Variants in TTLL1 observed in about 807,000 individuals in gnomAD.
TTLL1 encodes the protein polyglutamylase complex subunit TTLL1.
A neutral mutation model predicts 47.8 loss-of-function variants in TTLL1; 33 were observed. The observed-to-expected ratio is 0.69, with a 90% CI of 0.52 to 0.92. The LOEUF (loss-of-function observed/expected upper bound fraction) is 0.92, where lower values mean the gene tolerates loss of function less well. Ranked by LOEUF, TTLL1 falls within the 40% of genes least tolerant of loss-of-function variation. The pLI is 0.00. For synonymous variants in TTLL1, 225 were observed against 214.1 expected (o/e 1.05, Z -0.45); for missense variants, 488 against 547.5 (o/e 0.89, Z 1.08).
At chr22:43,069,939 C>T (rs1802768169) in intron 3 of TTLL1, 95 bp from the exon 4 acceptor site, 1 of 1,505,164 alleles carries the variant, frequency 6.6e-7, no homozygotes, top group African/African-American at 1.4e-5. Flanking sequence ...ACCCTCAGCA[C>T]CCTTCACCAC....
chr22:43,068,662 C>T, intron 4 of TTLL1, 72 bp from the exon 5 acceptor site: 1 of 1,339,502 alleles, frequency 7.5e-7, no homozygotes, highest in Non-Finnish European at 9.7e-7. Context: ...AGATCTTGCC[C>T]TTGCCTTTCC....
At chr22:43,079,741 A>T (rs1601703585) in intron 2 of TTLL1, among the ~76,000 whole-genome samples, 161 bp downstream of exon 2, 1 of 152,182 alleles carries the variant, frequency 6.6e-6, no homozygotes, top group Non-Finnish European at 1.5e-5. Context: ...GAGACCCCAA[A>T]CCTACCGAGG....
At chr22:43,083,069 T>TA (rs1195994904) in intron 1 of TTLL1, among the ~76,000 whole-genome samples, 1 of 151,168 alleles carries the variant, frequency 6.6e-6, no homozygotes, top group Admixed American at 6.6e-5. Flanking sequence ...TACTCCTTTT[T>TA]AAAAATACAT....
At chr22:43,043,090 A>G (rs1223563266) in intron 10 of TTLL1, among the ~76,000 whole-genome samples, 4 of 151,430 alleles carry the variant, frequency 2.6e-5, no homozygotes, top group Admixed American at 2.0e-4. Context: ...ACAGGTGCCC[A>G]CCACCACGCC....
chr22:43,054,035 C>T (rs1926828151), intron 8 of TTLL1, among the ~76,000 whole-genome samples: 1 of 152,178 alleles, frequency 6.6e-6, no homozygotes, highest in Admixed American at 6.6e-5. Flanking sequence ...GCACTGTTCA[C>T]ACATACGCCG....
intron 1 of TTLL1, 76 bp downstream of exon 1, chr22:43,089,201 C>G (rs1246658132): frequency 6.6e-6 from 1 of 152,336 alleles, no homozygotes; most frequent in Admixed American, 6.5e-5. Context: ...CTCTCTCACC[C>G]ATGCGCACTC....
intron 8 of TTLL1, among the ~76,000 whole-genome samples, chr22:43,058,500 G>A (rs1238203262): frequency 6.6e-6 from 1 of 152,172 alleles, no homozygotes; most frequent in African/African-American, 2.4e-5. Context: ...ATCAGTTTAT[G>A]CCAAAATAGT....
rs115722194 is a variant in TTLL1, at chr22:43,051,598, G to A, written c.978+203C>T. Among the ~76,000 whole-genome samples, 830 of 152,174 alleles carry A rather than the reference G, an allele frequency of 5.5e-3. 11 individuals are homozygous for A. The highest frequency in any genetic ancestry group is 0.019 in the African/African-American group (791 of 41,514). ...GTGAGATGGGCTACAGCTCCCTGTC[G>A]TGGGCTGGGCTCTGGGAGGGGAGCA... On this transcript the variant is annotated intron_variant, in intron 9 of 10. Coordinates refer to ENST00000266254, the MANE Select transcript of TTLL1 (RefSeq NM_012263.5).
chr22:43,067,188 C>T (rs961388258), intron 5 of TTLL1, among the ~76,000 whole-genome samples: 8 of 152,158 alleles, frequency 5.3e-5, no homozygotes, highest in African/African-American at 9.7e-5. Flanking sequence ...GGGCTTGCCA[C>T]GAGGCCACTG....
rs111615592 is a variant in TTLL1 at position 43,066,636 on chromosome 22, C to T, written c.503+1774G>A. ...ACTCAGGAGGCTGAGGTGGGAGGAT[C>T]GCTTGGGCCTAGGAGGTTGAGGTTG... On this transcript the variant is annotated intron_variant, in intron 5 of 10. Coordinates refer to ENST00000266254, the MANE Select transcript of TTLL1 (RefSeq NM_012263.5). Among the ~76,000 whole-genome samples, 268 of 151,482 alleles carry T rather than the reference C, an allele frequency of 1.8e-3. 1 individual carries two copies. The highest frequency in any genetic ancestry group is 5.7e-3 in the African/African-American group (235 of 41,202).
intron 10 of TTLL1, 117 bp from the exon 11 acceptor site, chr22:43,040,022 C>A: frequency 7.1e-7 from 1 of 1,408,636 alleles, no homozygotes. Context: ...TGAGGGGGCC[C>A]CACCCTCGCG....
intron 9 of TTLL1, among the ~76,000 whole-genome samples, chr22:43,046,807 C>A (rs1039267060): frequency 6.6e-6 from 1 of 151,968 alleles, no homozygotes; most frequent in Non-Finnish European, 1.5e-5. Flanking sequence ...GTAGCTGGGA[C>A]TACAGGCACA....
At chr22:43,046,686 T>G in intron 9 of TTLL1, 113 bp from the exon 10 acceptor site, 3 of 1,276,786 alleles carry the variant, frequency 2.3e-6, no homozygotes, top group Non-Finnish European at 3.2e-6. Flanking sequence ...AGTTTTTTTT[T>G]GAGACAGAGT....
intron 8 of TTLL1, among the ~76,000 whole-genome samples, chr22:43,054,812 G>A (rs1376890665): frequency 7.3e-5 from 10 of 137,824 alleles, no homozygotes; most frequent in Middle Eastern, 4.2e-3. Flanking sequence ...TGCAAGCTCC[G>A]CCTCCCGGGT....
intron 8 of TTLL1, among the ~76,000 whole-genome samples, chr22:43,053,004 A>G (rs564476352): frequency 6.6e-6 from 1 of 151,390 alleles, no homozygotes; most frequent in South Asian, 2.1e-4. Flanking sequence ...AGGTTGCAGT[A>G]AGCCGAGACT....
intron 5 of TTLL1, among the ~76,000 whole-genome samples, chr22:43,064,862 C>A (rs1345739545): frequency 1.3e-5 from 2 of 150,166 alleles, no homozygotes; most frequent in Non-Finnish European, 3.0e-5. Context: ...GATGGTGGAT[C>A]TGGACGAGCT....
At chr22:43,076,913 A>G (rs1928538114) in intron 2 of TTLL1, among the ~76,000 whole-genome samples, 1 of 151,780 alleles carries the variant, frequency 6.6e-6, no homozygotes, top group Non-Finnish European at 1.5e-5. Flanking sequence ...CATCCTGGCT[A>G]ACACAGTAAA....
intron 8 of TTLL1, among the ~76,000 whole-genome samples, chr22:43,057,729 A>T (rs1927113643): frequency 1.6e-5 from 2 of 126,420 alleles, no homozygotes; most frequent in Non-Finnish European, 3.2e-5. Flanking sequence ...CGAAACTGAC[A>T]GGAGAGACTG....
intron 9 of TTLL1, among the ~76,000 whole-genome samples, chr22:43,049,471 C>T (rs1926419021): frequency 6.6e-6 from 1 of 151,534 alleles, no homozygotes; most frequent in African/African-American, 2.4e-5. Flanking sequence ...TGTGGTGAGC[C>T]AAGATGGCGC....
Sources: allele counts gnomAD v4.1 joint callset (sites outside exome capture counted in the v4.1 genomes callset), GRCh38; gene constraint gnomAD v4.1.1; transcripts MANE v1.5; gene names NCBI Gene and HGNC (gene_info 2026-07-23, HGNC 2026-07-21).